Variants in SYNPO2 observed in about 807,000 individuals in gnomAD.
SYNPO2 encodes synaptopodin-2.
Under a neutral mutation model 85.0 loss-of-function variants are expected in SYNPO2, and 56 were observed. The observed-to-expected ratio is 0.66, with a 90% confidence interval of 0.53 to 0.82. The LOEUF is 0.82. SYNPO2 is among the 40% of genes least tolerant of loss of function. The pLI, the probability that SYNPO2 is intolerant of heterozygous loss-of-function variation, is 0.00. For synonymous variants in SYNPO2, 602 were observed against 591.1 expected (o/e 1.02, Z -0.27); for missense variants, 1,575 against 1,534.2 (o/e 1.03, Z -0.44).
intron 1 of SYNPO2, among the ~76,000 whole-genome samples, chr4:118,930,450 T>TA (rs1219004260): frequency 6.6e-6 from 1 of 152,162 alleles, no homozygotes; most frequent in Non-Finnish European, 1.5e-5. Flanking sequence ...ATTTGCAGCT[T>TA]AAAAAAACTT....
In SYNPO2 at chr4:119,031,405, C is replaced by A; in HGVS notation, c.2630C>A (p.Ala877Asp). 2 of 1,614,150 alleles carry A rather than the reference C, an allele frequency of 1.2e-6. No individual in the cohort carries two copies. Among genetic ancestry groups the A allele is most frequent in the Non-Finnish European group, 1.7e-6 (2 of 1,180,032 alleles). Reference protein sequence around the residue: ...GMSGRGAQLFAKRQSRMEKYV... With the variant: ...GMSGRGAQLFDKRQSRMEKYV... Reference sequence around the variant, plus strand: ...AGTGGGAGAGGAGCTCAGCTCTTTGCTAAAAGGCAGTCGAGAATGGAGAAG... The same window carrying A: ...AGTGGGAGAGGAGCTCAGCTCTTTGATAAAAGGCAGTCGAGAATGGAGAAG... The change falls in exon 4 of 5, where the codon GCT becomes GAT. Residue 877 changes from alanine to aspartate, a missense_variant. By Grantham distance (126) the Ala-to-Asp change is moderately radical. Around this residue, in one of 3 missense-constraint regions of SYNPO2, gnomAD observed 1,508 missense variants for 1,446.8 expected, o/e 1.04. Transcript: ENST00000307142.
intron 1 of SYNPO2, among the ~76,000 whole-genome samples, chr4:119,019,291 A>G (rs879168339): frequency 1.2e-4 from 18 of 152,200 alleles, no homozygotes; most frequent in Admixed American, 2.6e-4. Flanking sequence ...GACATTACCA[A>G]TATCTCTTAG....
intron 1 of SYNPO2, among the ~76,000 whole-genome samples, chr4:118,949,304 G>T (rs1382654730): frequency 6.6e-6 from 1 of 151,872 alleles, no homozygotes; most frequent in Admixed American, 6.6e-5. Context: ...AGACTCCCTA[G>T]GAAGTAATAA....
intron 1 of SYNPO2, among the ~76,000 whole-genome samples, chr4:118,853,706 A>G (rs987086523): frequency 6.6e-6 from 1 of 152,242 alleles, no homozygotes; most frequent in Admixed American, 6.5e-5. Context: ...GGGTAGCGGG[A>G]GAAGTATTCA....
intron 1 of SYNPO2, among the ~76,000 whole-genome samples, chr4:118,923,496 T>C (rs938363769): frequency 7.2e-5 from 11 of 152,016 alleles, no homozygotes; most frequent in African/African-American, 2.7e-4. Context: ...CTCCATGACA[T>C]GCAATTTACC....
At chr4:118,931,034 TA>T (rs1733916197) in intron 1 of SYNPO2, among the ~76,000 whole-genome samples, 1 of 152,114 alleles carries the variant, frequency 6.6e-6, no homozygotes, top group South Asian at 2.1e-4. Context: ...ATTAAGGATT[TA>T]AATGAGTGCT....
At chr4:119,002,776 AT>A (rs1736870230) in intron 1 of SYNPO2, among the ~76,000 whole-genome samples, 1 of 151,954 alleles carries the variant, frequency 6.6e-6, no homozygotes, top group Admixed American at 6.6e-5. Flanking sequence ...TGAGAGCTGA[AT>A]TTTTTAAGAC....
chr4:119,021,215 C>T (rs1404557057), intron 1 of SYNPO2, among the ~76,000 whole-genome samples: 1 of 152,106 alleles, frequency 6.6e-6, no homozygotes, highest in Non-Finnish European at 1.5e-5. Flanking sequence ...TGTTTTGGCT[C>T]TTAAAGGTAA....
chr4:118,907,715 G>A (rs1172134849), intron 1 of SYNPO2, among the ~76,000 whole-genome samples: 1 of 152,056 alleles, frequency 6.6e-6, no homozygotes, highest in Non-Finnish European at 1.5e-5. Context: ...ATATAAAAAT[G>A]ACACATTGTC....
intron 1 of SYNPO2, among the ~76,000 whole-genome samples, chr4:119,015,751 T>C (rs1737500138): frequency 1.3e-5 from 2 of 152,242 alleles, no homozygotes; most frequent in South Asian, 4.1e-4. Context: ...GGGATCATTA[T>C]TATTAATGCC....
At chr4:119,048,222 T>C (rs1561027821) in intron 4 of SYNPO2, among the ~76,000 whole-genome samples, 1 of 152,168 alleles carries the variant, frequency 6.6e-6, no homozygotes, top group Non-Finnish European at 1.5e-5. Context: ...ATATTGAAGG[T>C]GGTGGGGATA....
intron 1 of SYNPO2, among the ~76,000 whole-genome samples, chr4:118,978,772 A>G (rs1015324730): frequency 6.8e-6 from 1 of 147,476 alleles, no homozygotes. Flanking sequence ...TGTGTATTTC[A>G]TGTGAAATAC....
At chr4:118,978,887 T>A (rs1735895979) in intron 1 of SYNPO2, among the ~76,000 whole-genome samples, 1 of 152,112 alleles carries the variant, frequency 6.6e-6, no homozygotes, top group Non-Finnish European at 1.5e-5. Flanking sequence ...GACTCCCTTG[T>A]CCAACTTATT....
intron 1 of SYNPO2, among the ~76,000 whole-genome samples, chr4:118,892,662 A>G (rs1185564949): frequency 6.6e-6 from 1 of 152,138 alleles, no homozygotes; most frequent in Non-Finnish European, 1.5e-5. Context: ...TCACATTTTG[A>G]AAATAATTAA....
At chr4:118,997,832 A>C (rs534677740) in intron 1 of SYNPO2, among the ~76,000 whole-genome samples, 1 of 152,230 alleles carries the variant, frequency 6.6e-6, no homozygotes, top group Non-Finnish European at 1.5e-5. Flanking sequence ...AATACCTCCC[A>C]TTAGTCAGCT....
chr4:118,984,905 G>A (rs1042945527), intron 1 of SYNPO2, among the ~76,000 whole-genome samples: 1 of 152,174 alleles, frequency 6.6e-6, no homozygotes, highest in African/African-American at 2.4e-5. Context: ...TCCAAAATTA[G>A]AACTGTTTGG....
At chr4:119,013,023 G>A (rs1322300582) in intron 1 of SYNPO2, among the ~76,000 whole-genome samples, 2 of 152,112 alleles carry the variant, frequency 1.3e-5, no homozygotes, top group South Asian at 2.1e-4. Flanking sequence ...TTCTCAAAGT[G>A]TCATCTGCAG....
At chr4:118,921,563 C>T (rs538167094) in intron 1 of SYNPO2, among the ~76,000 whole-genome samples, 2 of 152,154 alleles carry the variant, frequency 1.3e-5, no homozygotes, top group South Asian at 4.1e-4. Flanking sequence ...GCCTGGGAAA[C>T]ATAGTAAGAC....
In SYNPO2 at chr4:118,876,667, C is replaced by CCTTCCTTCCTTCCTTCCTTCCTTCCTT. The variant is rs1731917905; in HGVS notation, c.12+25727_12+25728insCTTCCTTCCTTCCTTCCTTCCTTCCTT. Among the ~76,000 whole-genome samples the CCTTCCTTCCTTCCTTCCTTCCTTCCTT allele has an allele frequency of 2.2e-4, 25 of 112,168 alleles. 1 individual carries two copies. Among genetic ancestry groups the CCTTCCTTCCTTCCTTCCTTCCTTCCTT allele is most frequent in the African/African-American group, 8.2e-4 (23 of 28,084 alleles). 73.6% of individuals were successfully genotyped at this position (112,168 alleles called of 152,430 possible). On this transcript the variant is annotated intron_variant, in intron 1 of 4. Transcript: ENST00000610556. ...CCTTTCTTCCTTCCTTCCTTCCTTT[C>CCTTCCTTCCTTCCTTCCTTCCTTCCTT]TCTTTCTTTCTTTCTTTCTTTCTTT...
Sources: allele counts gnomAD v4.1 joint callset (sites outside exome capture counted in the v4.1 genomes callset), GRCh38; gene constraint gnomAD v4.1.1; regional missense constraint gnomAD v4.1.1; transcripts MANE v1.5; gene names NCBI Gene and HGNC (gene_info 2026-07-23, HGNC 2026-07-21).